OSTM1: variants seen among roughly 807,000 people sequenced by gnomAD.
The protein encoded by OSTM1 is osteopetrosis-associated transmembrane protein 1.
Under a neutral mutation model 35.4 loss-of-function variants are expected in OSTM1, and 26 were observed. The ratio of observed to expected loss-of-function variants is 0.73; its 90% confidence interval spans 0.54 to 1.02. The LOEUF (loss-of-function observed/expected upper bound fraction) is 1.02. OSTM1 is among the 50% of genes least tolerant of loss of function. OSTM1 has a pLI of 0.00. For missense variants in OSTM1, 366 were observed against 409.6 expected (o/e 0.89, Z 0.92); for synonymous variants, 181 against 165.0 (o/e 1.10, Z -0.75).
chr6:108,052,174 C>T (rs1203472098), intron 3 of OSTM1, among the ~76,000 whole-genome samples: 4 of 152,110 alleles, frequency 2.6e-5, no homozygotes, highest in Admixed American at 2.0e-4. Flanking sequence ...ATGGTTCACA[C>T]CTGTAAACCC....
chr6:108,044,782 GTC>G lies in OSTM1; in HGVS notation c.*1_*2del. On this transcript the variant is annotated 3_prime_UTR_variant, in exon 6 of 6. Coordinates refer to ENST00000193322, the MANE Select transcript of OSTM1 (RefSeq NM_014028.4). ...GATATGTCAATTCTCCATTTTGTAG[GTC>G]TCAGTTTGAATTTTCCTGAATATTT... 1 of 1,543,406 alleles carries G rather than the reference GTC, an allele frequency of 6.5e-7. No homozygotes were observed. The highest frequency in any genetic ancestry group is 8.9e-7 in the Non-Finnish European group (1 of 1,120,336).
chr6:108,074,637 C>T lies in OSTM1; in HGVS notation c.15G>A (p.Pro5=). Reference sequence around the variant, plus strand: ...ACGAACACCTCCGCTGCGCGGCTGTCGGGCCCGGCTCCATCACCGGGCTCA... The same window carrying T: ...ACGAACACCTCCGCTGCGCGGCTGTTGGGCCCGGCTCCATCACCGGGCTCA... The part of the protein sequence containing the change: MEPG[P]TAAQRRCSLP... The change falls in exon 1 of 6, where the codon CCG becomes CCA. Residue 5 remains proline, a synonymous_variant. Coordinates refer to ENST00000193322, the MANE Select transcript of OSTM1 (RefSeq NM_014028.4). 1 of 1,551,594 alleles carries T rather than the reference C, an allele frequency of 6.4e-7. No homozygotes were observed. The highest frequency in any genetic ancestry group is 1.9e-5 in the Admixed American group (1 of 53,494).
intron 2 of OSTM1, among the ~76,000 whole-genome samples, chr6:108,060,044 A>C (rs1772244665): frequency 6.6e-6 from 1 of 152,090 alleles, no homozygotes; most frequent in Non-Finnish European, 1.5e-5. Context: ...GTGAAAACTA[A>C]ATCTTCCTTT....
intron 1 of OSTM1, among the ~76,000 whole-genome samples, chr6:108,066,789 A>G (rs62427062): frequency 0.16 from 25,049 of 152,088 alleles, 2,551 homozygotes; most frequent in Admixed American, 0.22. Flanking sequence ...ACCCTGATGC[A>G]TGGTTTCTTA....
At chr6:108,049,654 T>C (rs1772042498) in intron 4 of OSTM1, 1 of 797,590 alleles carries the variant, frequency 1.3e-6, no homozygotes. Context: ...TCCATAATAC[T>C]GACCAAAGTA....
At chr6:108,069,008 T>A (rs1772431838) in intron 1 of OSTM1, among the ~76,000 whole-genome samples, 1 of 152,066 alleles carries the variant, frequency 6.6e-6, no homozygotes. Context: ...TTTACATGTA[T>A]ACCTTCCCTC....
intron 3 of OSTM1, among the ~76,000 whole-genome samples, chr6:108,054,143 T>A (rs1462619752): frequency 6.6e-6 from 1 of 152,238 alleles, no homozygotes; most frequent in Admixed American, 6.5e-5. Context: ...AGAATCATAC[T>A]ACACTGCAAA....
intron 2 of OSTM1, 101 bp from the exon 3 acceptor site, chr6:108,054,688 T>C (rs575607581): frequency 4.6e-5 from 26 of 565,112 alleles, no homozygotes; most frequent in Non-Finnish European, 7.0e-5. Context: ...ACTACAGTAA[T>C]TCTTTATTCA....
chr6:108,055,350 G>T (rs147588743), intron 2 of OSTM1, among the ~76,000 whole-genome samples: 1 of 151,348 alleles, frequency 6.6e-6, no homozygotes, highest in Non-Finnish European at 1.5e-5. Flanking sequence ...GGTCTTGCTC[G>T]GTTGCCCAGG....
intron 1 of OSTM1, among the ~76,000 whole-genome samples, chr6:108,071,753 C>T (rs1024166837): frequency 2.6e-5 from 4 of 151,980 alleles, no homozygotes; most frequent in East Asian, 1.9e-4. Context: ...GGAAATAAGG[C>T]GAGCCGAGAC....
At chr6:108,046,341 T>C (rs1189550023) in intron 5 of OSTM1, among the ~76,000 whole-genome samples, 8 of 137,164 alleles carry the variant, frequency 5.8e-5, no homozygotes, top group Non-Finnish European at 1.2e-4. Flanking sequence ...CTGGTTTCTT[T>C]TTTTTCTTTT....
chr6:108,058,168 G>C (rs1262530551), intron 2 of OSTM1, among the ~76,000 whole-genome samples: 3 of 150,146 alleles, frequency 2.0e-5, no homozygotes, highest in African/African-American at 7.4e-5. Flanking sequence ...CATTCTTAAA[G>C]GTATTAAGGA....
At chr6:108,059,108 C>T (rs1772228439) in intron 2 of OSTM1, among the ~76,000 whole-genome samples, 1 of 152,114 alleles carries the variant, frequency 6.6e-6, no homozygotes, top group Non-Finnish European at 1.5e-5. Flanking sequence ...ACCAAAGAAC[C>T]AAAACACTAA....
chr6:108,052,807 C>T lies in OSTM1; in HGVS notation c.616-1609G>A, dbSNP rs1025492224. ...AAAAACCCCACAAGAAATCCTTTCA[C>T]GCCCTTCATTGCAACTCCTGCTTTC... is the stretch of plus-strand genomic sequence containing the variant. On this transcript the variant is annotated intron_variant, in intron 3 of 5. Coordinates refer to ENST00000193322, the MANE Select transcript of OSTM1 (RefSeq NM_014028.4). Among the ~76,000 whole-genome samples the T allele has an allele frequency of 2.6e-5, 4 of 152,284 alleles. No individual in the cohort carries two copies. In the South Asian group the frequency reaches 6.2e-4, roughly 24 times the overall value.
chr6:108,068,693 C>T (rs1223703826), intron 1 of OSTM1, among the ~76,000 whole-genome samples: 3 of 152,116 alleles, frequency 2.0e-5, no homozygotes, highest in Non-Finnish European at 4.4e-5. Context: ...CATCTCCCCA[C>T]ATATCTTCTT....
intron 2 of OSTM1, among the ~76,000 whole-genome samples, chr6:108,062,535 C>CTTTTTTTTTTTTTTTTTTTT (rs780041339): frequency 2.3e-5 from 3 of 131,070 alleles, no homozygotes; most frequent in Non-Finnish European, 4.8e-5. Context: ...CTTTTCTTTT[C>CTTTTTTTTTTTTTTTTTTTT]TTTTTTTTTT....
At chr6:108,065,936 A>C (rs9486792) in intron 1 of OSTM1, among the ~76,000 whole-genome samples, 4,328 of 152,116 alleles carry the variant, frequency 0.028, 176 homozygotes, top group African/African-American at 0.093. Flanking sequence ...GAAATTAGGA[A>C]AGAGTTCATG....
intron 2 of OSTM1, among the ~76,000 whole-genome samples, chr6:108,059,202 A>C (rs1016101348): frequency 1.3e-5 from 2 of 152,228 alleles, no homozygotes; most frequent in African/African-American, 4.8e-5. Flanking sequence ...GGGTCTCAAT[A>C]ACAAGGCTAT....
At position 108,043,829 on chromosome 6, in the gene OSTM1, A is replaced by G. The variant is rs1018800360; in HGVS notation, c.*956T>C. ...ACACACCACTGTCCAACAGTCTTACAGTGAGCATCCTCTCAGGTCCCTTTC... is the reference window on the plus strand; with the variant it reads ...ACACACCACTGTCCAACAGTCTTACGGTGAGCATCCTCTCAGGTCCCTTTC... On this transcript the variant is annotated 3_prime_UTR_variant, in exon 6 of 6. Transcript: ENST00000193322. 15 of 152,216 alleles carry G rather than the reference A, an allele frequency of 9.9e-5. No individual in the cohort carries two copies. Among genetic ancestry groups the G allele is most frequent in the African/African-American group, 3.6e-4 (15 of 41,450 alleles). The allele number at this position is 152,216 out of a possible 1,614,324, so 9.4% of individuals were successfully genotyped here. A position where few individuals can be genotyped will look rare whatever the true frequency, so the allele number is the denominator to read the frequency against.
Sources: allele counts gnomAD v4.1 joint callset (sites outside exome capture counted in the v4.1 genomes callset), GRCh38; gene constraint gnomAD v4.1.1; transcripts MANE v1.5; gene names NCBI Gene and HGNC (gene_info 2026-07-23, HGNC 2026-07-21).